The following NOMO1 variants were observed in gnomAD, a reference collection of about 807,000 sequenced individuals.
NOMO1 encodes nodal modulator 3.
NOMO1 carries 40 observed loss-of-function variants against 133.8 expected under a neutral mutation model. The ratio of observed to expected loss-of-function variants is 0.30; its 90% CI spans 0.23 to 0.39. The LOEUF is 0.39. NOMO1 is among the 10% of genes least tolerant of loss of function. The pLI, the probability that NOMO1 is intolerant of heterozygous loss-of-function variation, is 1.00. For missense variants in NOMO1, 462 were observed against 1,419.9 expected, an observed-to-expected ratio of 0.33 and a Z score of 10.84; for synonymous variants, 236 against 570.5, an observed-to-expected ratio of 0.41 and a Z score of 8.36.
At chr16:14,885,134 C>T (rs2856581) in intron 27 of NOMO1, among the ~76,000 whole-genome samples, 12,056 of 124,464 alleles carry the variant, frequency 0.097, no homozygotes, top group Non-Finnish European at 0.11. Flanking sequence ...CACCAAGCCA[C>T]GAGGGATCCA....
chr16:14,874,129 C>T (rs1964119778), intron 18 of NOMO1, among the ~76,000 whole-genome samples: 1 of 150,520 alleles, frequency 6.6e-6, no homozygotes, highest in Non-Finnish European at 1.5e-5. Flanking sequence ...GTCACTGCAG[C>T]AGCTTCCCAG....
In NOMO1 at chr16:14,858,485, A is replaced by G. The variant is rs574678530; in HGVS notation, c.1220+830A>G. Among the ~76,000 whole-genome samples the G allele has an allele frequency of 7.9e-5, 12 of 151,598 alleles. No individual in the cohort carries two copies. In the South Asian group the frequency reaches 2.5e-3, roughly 32 times the overall value. On this transcript the variant is annotated intron_variant, in intron 11 of 30. Transcript: ENST00000287667. Reference sequence around the variant, plus strand: ...AACCTGCAGAACAGCTTTAGACATAACAGGTGCTCACAAAACAGTAGCTTA... The same window carrying G: ...AACCTGCAGAACAGCTTTAGACATAGCAGGTGCTCACAAAACAGTAGCTTA...
chr16:14,892,714 C>T (rs1964424067), intron 29 of NOMO1, among the ~76,000 whole-genome samples: 1 of 151,316 alleles, frequency 6.6e-6, no homozygotes, highest in Admixed American at 6.6e-5. Context: ...CGTACAGGGC[C>T]CTCACAGGTT....
rs761458467 is a variant in NOMO1, at chr16:14,853,609, G to C, written c.873+5G>C. ...CCAAGTGGGGGCTACACTGTGGTGAGTAAAGCAGATTTCCGTTCTGTTTAT... is the reference window on the plus strand; with the variant it reads ...CCAAGTGGGGGCTACACTGTGGTGACTAAAGCAGATTTCCGTTCTGTTTAT... On this transcript the variant is annotated splice_donor_5th_base_variant and intron_variant, in intron 8 of 30. Transcript: ENST00000287667. 3 of 1,611,490 alleles carry C rather than the reference G, an allele frequency of 1.9e-6. No homozygotes were observed. Among genetic ancestry groups the C allele is most frequent in the Non-Finnish European group, 2.5e-6 (3 of 1,179,812 alleles).
intron 1 of NOMO1, among the ~76,000 whole-genome samples, chr16:14,836,377 T>A (rs1457360389): frequency 1.3e-5 from 2 of 152,106 alleles, no homozygotes; most frequent in African/African-American, 4.8e-5. Context: ...TCCCAAATGT[T>A]CAAATGTTCG....
At chr16:14,851,314 G>A (rs1054081403) in intron 6 of NOMO1, among the ~76,000 whole-genome samples, 5 of 151,930 alleles carry the variant, frequency 3.3e-5, no homozygotes, top group African/African-American at 1.2e-4. Flanking sequence ...GCTTGCTGGT[G>A]CTATTCTGTT....
intron 11 of NOMO1, among the ~76,000 whole-genome samples, chr16:14,861,554 GA>G (rs1963922731): frequency 7.1e-6 from 1 of 141,668 alleles, no homozygotes; most frequent in Non-Finnish European, 1.5e-5. Flanking sequence ...AGGTCCTTGG[GA>G]ATGATTGTGT....
At position 14,884,380 on chromosome 16, in the gene NOMO1, T is replaced by C; in HGVS notation, c.3120T>C (p.Asn1040=). 6.2e-7 allele frequency: 1 copy of C among 1,602,874 alleles called. No individual in the cohort carries two copies. Among genetic ancestry groups the C allele is most frequent in the Non-Finnish European group, 8.5e-7 (1 of 1,172,878 alleles). Reference sequence around the variant, plus strand: ...CCTCTTTCTCTCTCTAGGTTGGGAATAATGACATCGATGATGTAAACATCA... The same window carrying C: ...CCTCTTTCTCTCTCTAGGTTGGGAACAATGACATCGATGATGTAAACATCA... The part of the protein sequence containing the change: ...LPHHRVIEVG[N]NDIDDVNIIV... Residue 1040 remains asparagine, a synonymous_variant, in exon 27 of 31, where the codon AAT becomes AAC. Transcript: ENST00000287667.
chr16:14,874,541 G>A (rs1468964408), intron 18 of NOMO1, among the ~76,000 whole-genome samples: 3 of 151,968 alleles, frequency 2.0e-5, no homozygotes, highest in Admixed American at 6.6e-5. Flanking sequence ...CGGGCTCTCC[G>A]TCTTCCCACA....
At chr16:14,889,634 G>C (rs573256298) in intron 29 of NOMO1, among the ~76,000 whole-genome samples, 1 of 152,032 alleles carries the variant, frequency 6.6e-6, no homozygotes, top group South Asian at 2.1e-4. Context: ...TTGCAGGGCA[G>C]ATATTTAAAG....
chr16:14,889,301 G>A, intron 29 of NOMO1, 86 bp downstream of exon 29: 1 of 1,610,110 alleles, frequency 6.2e-7, no homozygotes, highest in Non-Finnish European at 8.5e-7. Context: ...GGAGGCCAAG[G>A]CTGGTGGATC....
chr16:14,883,600 G>A (rs1324287772), intron 26 of NOMO1, among the ~76,000 whole-genome samples: 1 of 151,664 alleles, frequency 6.6e-6, no homozygotes, highest in East Asian at 1.9e-4. Context: ...CCAAAGTGCT[G>A]GGATTACAGG....
At position 14,853,409 on chromosome 16, in the gene NOMO1, G is replaced by A. The variant is rs962648851; in HGVS notation, c.736-58G>A. ...TTTTCCTATAATGTGGCTAATTGAT[G>A]GTATTCAGAACATGTAAATGGAAAA... is the stretch of plus-strand genomic sequence containing the variant. On this transcript the variant is annotated intron_variant, in intron 7 of 30. Coordinates refer to ENST00000287667, the MANE Select transcript of NOMO1 (RefSeq NM_014287.4). 5 of 1,355,752 alleles carry A rather than the reference G, an allele frequency of 3.7e-6. No homozygotes were observed. In the African/African-American group the frequency reaches 9.0e-5, roughly 24 times the overall value. The allele number at this position is 1,355,752 out of a possible 1,614,324, so 84.0% of individuals were successfully genotyped here.
chr16:14,882,754 G>A lies in NOMO1; in HGVS notation c.3111+77G>A, dbSNP rs1223789471. 4.3e-6 allele frequency: 7 copies of A among 1,609,366 alleles called. No homozygotes were observed. In the South Asian group the frequency reaches 4.4e-5, roughly 10 times the overall value. On this transcript the variant is annotated intron_variant, in intron 26 of 30. Transcript: ENST00000287667. Reference sequence around the variant, plus strand: ...AGAAGTCCTCCCGTCTCCTCTGGCTGTCTGCCTTTCATCTGTGGCGGGGGG... The same window carrying A: ...AGAAGTCCTCCCGTCTCCTCTGGCTATCTGCCTTTCATCTGTGGCGGGGGG...
At chr16:14,858,724 G>A (rs1357779711) in intron 11 of NOMO1, among the ~76,000 whole-genome samples, 3 of 152,118 alleles carry the variant, frequency 2.0e-5, no homozygotes, top group African/African-American at 7.3e-5. Context: ...CGGGCCATGA[G>A]TGGTTTTGAG....
intron 9 of NOMO1, among the ~76,000 whole-genome samples, chr16:14,856,015 A>G (rs1263732347): frequency 6.6e-6 from 1 of 152,112 alleles, no homozygotes; most frequent in Non-Finnish European, 1.5e-5. Flanking sequence ...GGCTCCCTGC[A>G]TAAAAAGGAA....
chr16:14,845,214 T>C lies in NOMO1; in HGVS notation c.402+440T>C. ...CACCATGCCTGGCTAATTTTTGTAT[T>C]TTCAGCAGAGATGGGCTTCTGCTGT... is the stretch of plus-strand genomic sequence containing the variant. On this transcript the variant is annotated intron_variant, in intron 4 of 30. Coordinates refer to ENST00000287667, the MANE Select transcript of NOMO1 (RefSeq NM_014287.4). Among the ~76,000 whole-genome samples, 2 of 151,912 alleles carry C rather than the reference T, an allele frequency of 1.3e-5. 1 individual carries two copies. The highest frequency in any genetic ancestry group is 2.9e-5 in the Non-Finnish European group (2 of 67,998).
At chr16:14,857,147 C>T (rs2151896604) in intron 9 of NOMO1, 70 bp from the exon 10 acceptor site, 2 of 1,611,472 alleles carry the variant, frequency 1.2e-6, no homozygotes, top group Non-Finnish European at 1.7e-6. Flanking sequence ...GCCGGCGCAG[C>T]AGAAGGAGTC....
At chr16:14,854,332 ATTTT>A (rs767871170) in intron 9 of NOMO1, among the ~76,000 whole-genome samples, 1 of 123,222 alleles carries the variant, frequency 8.1e-6, no homozygotes, top group Admixed American at 8.2e-5. Flanking sequence ...TGTGGACCTC[ATTTT>A]TTTTTTTTTT....
Sources: allele counts gnomAD v4.1 joint callset (sites outside exome capture counted in the v4.1 genomes callset), GRCh38; gene constraint gnomAD v4.1.1; transcripts MANE v1.5; gene names NCBI Gene and HGNC (gene_info 2026-07-23, HGNC 2026-07-21).